Variants in MED20 observed in about 807,000 individuals in gnomAD.
MED20 encodes mediator of RNA polymerase II transcription subunit 20.
A neutral mutation model predicts 19.7 loss-of-function variants in MED20; 19 were observed. The observed-to-expected ratio is 0.96, with a 90% confidence interval of 0.67 to 1.42. MED20 has a LOEUF of 1.42. Ranked by LOEUF, MED20 falls within the 40% of genes most tolerant of loss-of-function variation. The probability of loss-of-function intolerance (pLI) is 0.00; values close to 1 mark genes in which losing one functional copy is unlikely to be tolerated. For synonymous variants in MED20, 105 were observed against 104.8 expected (o/e 1.00, Z -0.01); for missense variants, 225 against 273.0 (o/e 0.82, Z 1.24).
At position 41,921,097 on chromosome 6, in the gene MED20, T is replaced by TC; in HGVS notation, c.-80dup. 6.4e-7 allele frequency: 1 copy of TC among 1,570,142 alleles called. No individual in the cohort carries two copies. Among genetic ancestry groups the TC allele is most frequent in the Non-Finnish European group, 8.7e-7 (1 of 1,150,222 alleles). ...GTCCGCCCACAGAAACTCCTTCAGT[T>TC]CCCCAACACAACCTTCTGTCTCAGA... is the stretch of plus-strand genomic sequence containing the variant. On this transcript the variant is annotated 5_prime_UTR_variant, in exon 1 of 4. Coordinates refer to ENST00000265350, the MANE Select transcript of MED20 (RefSeq NM_004275.5).
Position 41,905,593 on chromosome 6 carries a change from T to C in MED20, c.*1479A>G, listed in dbSNP as rs1018162978. The C allele has an allele frequency of 6.6e-6, 1 of 152,344 alleles. No homozygotes were observed. The highest frequency in any genetic ancestry group is 1.9e-4 in the East Asian group (1 of 5,190). The allele number at this position is 152,344 out of a possible 1,614,324, so 9.4% of individuals were successfully genotyped here. A position where few individuals can be genotyped will look rare whatever the true frequency, so the allele number is the denominator to read the frequency against. On this transcript the variant is annotated 3_prime_UTR_variant, in exon 4 of 4. Transcript: ENST00000265350. The stretch of plus-strand genomic sequence containing the variant: ...GATCTGAAAACAGTTTCTCTTTAGA[T>C]GCCTTCAAATAAGGGACAGTATCCT...
At chr6:41,913,620 C>T (rs1176047938) in intron 2 of MED20, among the ~76,000 whole-genome samples, 3 of 152,164 alleles carry the variant, frequency 2.0e-5, no homozygotes, top group African/African-American at 7.2e-5. Context: ...ACATGACAGG[C>T]TGGGTGCAGT....
chr6:41,918,359 C>A (rs182116552), intron 1 of MED20, among the ~76,000 whole-genome samples: 33 of 151,600 alleles, frequency 2.2e-4, no homozygotes, highest in Admixed American at 1.3e-3. Context: ...CAAAACTTAG[C>A]CAGGCATGGT....
intron 2 of MED20, 86 bp downstream of exon 2, chr6:41,916,699 C>A: frequency 6.6e-7 from 1 of 1,514,894 alleles, no homozygotes; most frequent in South Asian, 1.2e-5. Context: ...CCACCTTTAG[C>A]AGAAAAGCAG....
intron 3 of MED20, 120 bp from the exon 4 acceptor site, chr6:41,907,407 C>T (rs1181427395): frequency 2.3e-6 from 2 of 863,942 alleles, no homozygotes; most frequent in Non-Finnish European, 3.6e-6. Context: ...CACACACCTC[C>T]TAGCACAGTA....
rs1775051919 is a variant in MED20, at chr6:41,906,514, G to A, written c.*558C>T. On this transcript the variant is annotated 3_prime_UTR_variant, in exon 4 of 4. Transcript: ENST00000265350. Reference sequence around the variant, plus strand: ...CAGAAGGAGATTTCAAAGGACTCAGGCAACACCCTAGGAAAGTCAATTCGC... The same window carrying A: ...CAGAAGGAGATTTCAAAGGACTCAGACAACACCCTAGGAAAGTCAATTCGC... 1 of 152,908 alleles carries A rather than the reference G, an allele frequency of 6.5e-6. No individual in the cohort carries two copies. Among genetic ancestry groups the A allele is most frequent in the South Asian group, 2.1e-4 (1 of 4,876 alleles). The allele number at this position is 152,908 out of a possible 1,614,324, so 9.5% of individuals were successfully genotyped here. A position where few individuals can be genotyped will look rare whatever the true frequency, so the allele number is the denominator to read the frequency against.
chr6:41,919,957 T>G (rs1033689049), intron 1 of MED20, among the ~76,000 whole-genome samples: 2 of 152,174 alleles, frequency 1.3e-5, no homozygotes, highest in Admixed American at 6.5e-5. Flanking sequence ...CCCCTACACA[T>G]GCTTTTGTAT....
rs867103423 is a variant in MED20, at chr6:41,912,221, T to G, written c.170-2699A>C. 8.7e-3 allele frequency among the ~76,000 whole-genome samples: 1,274 copies of G among 146,824 alleles called. 9 individuals are homozygous for G. The highest frequency in any genetic ancestry group is 0.024 in the African/African-American group (918 of 38,934). ...CACCTTTTTTTTTTTTTTTTTTTTT[T>G]GTAAAGATGAGGTCTTACCATCTTG... On this transcript the variant is annotated intron_variant, in intron 2 of 3. Transcript: ENST00000265350.
chr6:41,909,764 C>T (rs1490291254), intron 2 of MED20, among the ~76,000 whole-genome samples: 4 of 152,202 alleles, frequency 2.6e-5, no homozygotes, highest in African/African-American at 9.6e-5. Context: ...GAGGGGCACA[C>T]AGGGAACTTT....
At chr6:41,918,820 G>A (rs192419990) in intron 1 of MED20, among the ~76,000 whole-genome samples, 8,390 of 150,008 alleles carry the variant, frequency 0.056, 412 homozygotes, top group Admixed American at 0.12. Context: ...GGTGGCGGGC[G>A]CCTGTAGTCC....
chr6:41,919,570 G>T (rs967934719), intron 1 of MED20, among the ~76,000 whole-genome samples: 1 of 152,150 alleles, frequency 6.6e-6, no homozygotes, highest in African/African-American at 2.4e-5. Context: ...GAAGTCCTAG[G>T]ATTCTGAAAA....
chr6:41,915,830 G>A (rs1048997710), intron 2 of MED20, among the ~76,000 whole-genome samples: 3 of 102,742 alleles, frequency 2.9e-5, no homozygotes, highest in African/African-American at 1.3e-4. Context: ...AGAAATTTTG[G>A]GTTGTAATGG....
chr6:41,907,738 A>G (rs1295708910), intron 3 of MED20, among the ~76,000 whole-genome samples: 1 of 152,182 alleles, frequency 6.6e-6, no homozygotes, highest in Non-Finnish European at 1.5e-5. Flanking sequence ...CTCCCTAAGT[A>G]GAACCAACCT....
intron 3 of MED20, 142 bp downstream of exon 3, chr6:41,909,127 T>A (rs1239490433): frequency 8.8e-6 from 10 of 1,134,988 alleles, no homozygotes; most frequent in Non-Finnish European, 8.7e-6. Context: ...TGTGCCAAGA[T>A]TGTGCCATTG....
At chr6:41,909,233 C>T (rs1775128717) in intron 3 of MED20, 36 bp downstream of exon 3, 3 of 1,598,650 alleles carry the variant, frequency 1.9e-6, no homozygotes, top group Non-Finnish European at 8.5e-7. Context: ...GCAGCCCCCT[C>T]AGAACATCCT....
intron 2 of MED20, 64 bp downstream of exon 2, chr6:41,916,721 T>C (rs1013576975): frequency 6.3e-7 from 1 of 1,578,902 alleles, no homozygotes; most frequent in Non-Finnish European, 8.7e-7. Flanking sequence ...AAGACTTCAA[T>C]TAACTCAAAT....
chr6:41,909,484 C>CT lies in MED20; in HGVS notation c.207dup (p.Glu70ArgfsTer11). On this transcript the variant is annotated frameshift_variant, in exon 3 of 4. Coordinates refer to ENST00000265350, the MANE Select transcript of MED20 (RefSeq NM_004275.5). LOFTEE classifies it high-confidence loss of function. ...AGGGCGAAACAGCTCAATGGGTACT[C>CT]TGAGTTGTGCATCACATACATCAGC... 1 of 1,614,252 alleles carries CT rather than the reference C, an allele frequency of 6.2e-7. No homozygotes were observed. Among genetic ancestry groups the CT allele is most frequent in the Non-Finnish European group, 8.5e-7 (1 of 1,180,048 alleles).
intron 2 of MED20, among the ~76,000 whole-genome samples, chr6:41,913,961 C>T (rs143446788): frequency 1.1e-3 from 168 of 152,182 alleles, no homozygotes; most frequent in African/African-American, 3.8e-3. Context: ...TTACTTAGCA[C>T]AACATGAGGA....
chr6:41,921,095 G>C lies in MED20; in HGVS notation c.-77C>G. ...CTGTCCGCCCACAGAAACTCCTTCA[G>C]TTCCCCAACACAACCTTCTGTCTCA... is the stretch of plus-strand genomic sequence containing the variant. On this transcript the variant is annotated 5_prime_UTR_variant, in exon 1 of 4. Coordinates refer to ENST00000265350, the MANE Select transcript of MED20 (RefSeq NM_004275.5). 6.4e-7 allele frequency: 1 copy of C among 1,574,770 alleles called. No individual in the cohort carries two copies. Among genetic ancestry groups the C allele is most frequent in the Non-Finnish European group, 8.7e-7 (1 of 1,153,662 alleles).
Sources: gnomAD v4.1 joint callset for allele counts (sites outside exome capture counted in the v4.1 genomes callset) on GRCh38, gnomAD v4.1.1 for gene constraint, MANE v1.5 for transcripts, NCBI Gene and HGNC (gene_info 2026-07-23, HGNC 2026-07-21) for gene names.